Variants in ASXL2 observed in about 807,000 individuals in gnomAD.
ASXL2 encodes the protein putative Polycomb group protein ASXL2.
A neutral mutation model predicts 122.0 loss-of-function variants in ASXL2; 23 were observed. The ratio of observed to expected loss-of-function variants is 0.19; its 90% confidence interval spans 0.14 to 0.27. The LOEUF (loss-of-function observed/expected upper bound fraction) is 0.27. Ranked by LOEUF, ASXL2 falls within the 10% of genes least tolerant of loss-of-function variation. ASXL2 has a pLI of 1.00. For missense variants in ASXL2, 1,518 were observed against 1,713.8 expected (o/e 0.89, Z 2.02); for synonymous variants, 650 against 637.0 (o/e 1.02, Z -0.31).
chr2:25,826,002 CAG>C (rs1341273973), intron 3 of ASXL2, among the ~76,000 whole-genome samples: 1 of 152,204 alleles, frequency 6.6e-6, no homozygotes, highest in Non-Finnish European at 1.5e-5. Flanking sequence ...GGTATCTAAA[CAG>C]GTAATCACCC....
rs769750746 is a variant in ASXL2, at chr2:25,743,759, C to A, written c.2578G>T (p.Gly860Cys). 2 of 1,614,006 alleles carry A rather than the reference C, an allele frequency of 1.2e-6. No homozygotes were observed. Among genetic ancestry groups the A allele is most frequent in the South Asian group, 1.1e-5 (1 of 91,076 alleles). The part of the protein sequence containing the change: ...AADGTVELKA[G>C]PSKNIPNPSA... ...GGGTTAGGTATATTCTTACTAGGAC[C>A]TGCTTTGAGCTCAACTGTGCCATCA... Residue 860 changes from glycine to cysteine, a missense_variant, in exon 13 of 13, where the codon GGT becomes TGT. Physicochemically the swap from Gly to Cys is radical, Grantham distance 159. This residue lies in a region of ASXL2 where 831 missense variants were observed against 833.1 expected (regional missense o/e 1.00). Transcript: ENST00000435504.
At position 25,845,476 on chromosome 2, in the gene ASXL2, C is replaced by T. The variant is rs753082942; in HGVS notation, c.140+5G>A. On this transcript the variant is annotated splice_donor_5th_base_variant and intron_variant, in intron 2 of 12. Transcript: ENST00000435504. ...ATTATTACTAAAAATATTTAAATAA[C>T]TCACCTGATTTCTTTTAGTCCTTCT... The T allele has an allele frequency of 6.2e-6, 9 of 1,443,364 alleles. No homozygotes were observed. The Admixed American group carries it at 1.9e-4, about 30-fold the overall frequency. 89.4% of individuals were successfully genotyped at this position (1,443,364 alleles called of 1,614,324 possible). A position where few individuals can be genotyped will look rare whatever the true frequency, so the allele number is the denominator to read the frequency against.
At chr2:25,860,990 C>T (rs764344498) in intron 1 of ASXL2, among the ~76,000 whole-genome samples, 7 of 151,996 alleles carry the variant, frequency 4.6e-5, no homozygotes, top group Admixed American at 1.3e-4. Flanking sequence ...CCAGCCTGGG[C>T]GACAGAGAGC....
At chr2:25,778,769 T>A (rs2088586533) in intron 5 of ASXL2, among the ~76,000 whole-genome samples, 1 of 152,194 alleles carries the variant, frequency 6.6e-6, no homozygotes. Flanking sequence ...TTACAACCTG[T>A]CACAGAAAGT....
intron 5 of ASXL2, among the ~76,000 whole-genome samples, chr2:25,781,139 T>C (rs182144825): frequency 6.6e-6 from 1 of 152,166 alleles, no homozygotes; most frequent in Non-Finnish European, 1.5e-5. Context: ...ACATTTATTA[T>C]AACTTTAATT....
chr2:25,800,196 C>CT (rs1354524486), intron 4 of ASXL2, among the ~76,000 whole-genome samples: 1 of 152,120 alleles, frequency 6.6e-6, no homozygotes, highest in East Asian at 1.9e-4. Flanking sequence ...ACTTAGGAGG[C>CT]TGAGTTGGGA....
In ASXL2 at chr2:25,743,574, T is replaced by C; in HGVS notation, c.2763A>G (p.Pro921=). Residue 921 remains proline, a synonymous_variant, in exon 13 of 13, where the codon CCA becomes CCG. Coordinates refer to ENST00000435504, the MANE Select transcript of ASXL2 (RefSeq NM_018263.6). Reference sequence around the variant, plus strand: ...CTGGGGTTTTAAGGCTAGAAGCTGCTGGCAAAGTGCTCGAGGGTGGAGCTG... The same window carrying C: ...CTGGGGTTTTAAGGCTAGAAGCTGCCGGCAAAGTGCTCGAGGGTGGAGCTG... ...AGSAPPSSTL[P]AASSLKTPGT... is the part of the protein sequence containing the mutation. The C allele has an allele frequency of 6.2e-7, 1 of 1,614,040 alleles. No individual in the cohort carries two copies. Among genetic ancestry groups the C allele is most frequent in the Non-Finnish European group, 8.5e-7 (1 of 1,179,894 alleles).
chr2:25,760,176 T>A (rs2088217365), intron 8 of ASXL2, among the ~76,000 whole-genome samples: 2 of 151,536 alleles, frequency 1.3e-5, no homozygotes, highest in African/African-American at 4.8e-5. Flanking sequence ...ACACAAAGGA[T>A]TAAAATGTAA....
intron 8 of ASXL2, among the ~76,000 whole-genome samples, chr2:25,766,723 T>C (rs768896662): frequency 6.6e-6 from 1 of 152,184 alleles, no homozygotes; most frequent in Non-Finnish European, 1.5e-5. Flanking sequence ...ATTTACAGTA[T>C]TTACATTTTA....
chr2:25,857,297 T>G (rs1281034408), intron 1 of ASXL2, among the ~76,000 whole-genome samples: 5 of 152,164 alleles, frequency 3.3e-5, no homozygotes, highest in African/African-American at 1.2e-4. Flanking sequence ...GCTCACATTC[T>G]ACTGCAAAAA....
intron 10 of ASXL2, 88 bp from the exon 11 acceptor site, chr2:25,753,727 A>T: frequency 1.0e-6 from 1 of 1,000,362 alleles, no homozygotes; most frequent in South Asian, 1.4e-5. Context: ...CTCACGCAGG[A>T]ATTGGAATAC....
At chr2:25,811,433 G>C (rs1273961868) in intron 3 of ASXL2, among the ~76,000 whole-genome samples, 1 of 151,588 alleles carries the variant, frequency 6.6e-6, no homozygotes, top group African/African-American at 2.4e-5. Flanking sequence ...AATATATGAA[G>C]CTAGAATAAT....
chr2:25,756,862 C>T (rs1244890725), intron 9 of ASXL2, among the ~76,000 whole-genome samples: 3 of 152,204 alleles, frequency 2.0e-5, no homozygotes, highest in Non-Finnish European at 4.4e-5. Context: ...AGTTTGCTGA[C>T]TGCTGATTCA....
At chr2:25,863,000 T>C (rs1341446524) in intron 1 of ASXL2, among the ~76,000 whole-genome samples, 2 of 152,136 alleles carry the variant, frequency 1.3e-5, no homozygotes, top group Non-Finnish European at 2.9e-5. Context: ...TACAATACAA[T>C]ATTTTTAAAT....
At chr2:25,781,230 A>G (rs530412448) in intron 5 of ASXL2, among the ~76,000 whole-genome samples, 11 of 151,646 alleles carry the variant, frequency 7.3e-5, no homozygotes, top group Non-Finnish European at 1.5e-4. Flanking sequence ...CATTTTGCAC[A>G]TATCTTAAAA....
chr2:25,876,396 T>C (rs554811374), intron 1 of ASXL2, among the ~76,000 whole-genome samples: 2 of 152,314 alleles, frequency 1.3e-5, no homozygotes, highest in South Asian at 4.1e-4. Context: ...CCTAAGATTC[T>C]AGAAACTTGT....
chr2:25,798,028 CCAGA>C (rs1212876898), intron 5 of ASXL2, among the ~76,000 whole-genome samples: 1 of 152,120 alleles, frequency 6.6e-6, no homozygotes, highest in Non-Finnish European at 1.5e-5. Context: ...TGTGGCACAC[CCAGA>C]CAATGGAAAG....
intron 4 of ASXL2, among the ~76,000 whole-genome samples, chr2:25,805,045 CAAAA>C (rs1267338685): frequency 2.0e-5 from 3 of 151,712 alleles, no homozygotes; most frequent in Non-Finnish European, 4.4e-5. Flanking sequence ...GCGAGACTGT[CAAAA>C]GAAAGAAAGA....
Position 25,739,162 on chromosome 2 carries a change from C to T in ASXL2, c.*2867G>A, listed in dbSNP as rs1213609840. On this transcript the variant is annotated 3_prime_UTR_variant, in exon 13 of 13. Coordinates refer to ENST00000435504, the MANE Select transcript of ASXL2 (RefSeq NM_018263.6). ...GTGCACGGGAGGCGTATGCATCAGG[C>T]ATAATGCCTGACTAGTCACTGGAAA... The T allele has an allele frequency of 6.5e-6, 1 of 152,718 alleles. No homozygotes were observed. Among genetic ancestry groups the T allele is most frequent in the Non-Finnish European group, 1.5e-5 (1 of 68,330 alleles). 9.5% of individuals were successfully genotyped at this position (152,718 alleles called of 1,614,324 possible). A position where few individuals can be genotyped will look rare whatever the true frequency, so the allele number is the denominator to read the frequency against.
Sources: allele counts gnomAD v4.1 joint callset (sites outside exome capture counted in the v4.1 genomes callset), GRCh38; gene constraint gnomAD v4.1.1; regional missense constraint gnomAD v4.1.1; transcripts MANE v1.5; gene names NCBI Gene and HGNC (gene_info 2026-07-23, HGNC 2026-07-21).